Variants in ARHGEF18 observed in about 807,000 individuals in gnomAD.
ARHGEF18 encodes the protein Rho/Rac guanine nucleotide exchange factor 18, also known as rho guanine nucleotide exchange factor 18.
A neutral mutation model predicts 155.7 loss-of-function variants in ARHGEF18; 93 were observed. The ratio of observed to expected loss-of-function variants is 0.60; its 90% CI spans 0.50 to 0.71. The LOEUF is 0.71. Ranked by LOEUF, ARHGEF18 falls within the 30% of genes least tolerant of loss-of-function variation. The pLI, the probability that ARHGEF18 is intolerant of heterozygous loss-of-function variation, is 0.00. For missense variants in ARHGEF18, 1,593 were observed against 1,816.1 expected (o/e 0.88, Z 2.23); for synonymous variants, 742 against 753.1 (o/e 0.99, Z 0.24).
At chr19:7,451,363 T>A (rs1975453761) in intron 16 of ARHGEF18, 97 bp downstream of exon 16, 2 of 1,017,388 alleles carry the variant, frequency 2.0e-6, no homozygotes, top group Non-Finnish European at 2.9e-6. Context: ...ACTGAATAAA[T>A]TCCCTTTGAA....
chr19:7,356,278 T>A (rs984353834), intron 1 of ARHGEF18, among the ~76,000 whole-genome samples: 3 of 149,292 alleles, frequency 2.0e-5, no homozygotes, highest in Non-Finnish European at 4.4e-5. Context: ...TTTCTTTTTT[T>A]TTTTTTTTCT....
intron 10 of ARHGEF18, among the ~76,000 whole-genome samples, chr19:7,434,375 T>G (rs1321875988): frequency 2.0e-5 from 3 of 152,178 alleles, no homozygotes; most frequent in Non-Finnish European, 4.4e-5. Flanking sequence ...TGTTTGTTGC[T>G]GAGAATAGGG....
chr19:7,443,176 C>A (rs1395758488), intron 13 of ARHGEF18, among the ~76,000 whole-genome samples: 1 of 151,336 alleles, frequency 6.6e-6, no homozygotes, highest in African/African-American at 2.4e-5. Flanking sequence ...CCTGCCTCAG[C>A]CTTCCAAATA....
At chr19:7,406,830 G>A (rs187092108) in intron 10 of ARHGEF18, among the ~76,000 whole-genome samples, 3 of 151,858 alleles carry the variant, frequency 2.0e-5, no homozygotes, top group East Asian at 3.9e-4. Context: ...CGAGGTGGGC[G>A]GATCATGAGG....
intron 2 of ARHGEF18, among the ~76,000 whole-genome samples, chr19:7,365,477 G>GGTAAAGGAAGGTCCCA (rs1568268117): frequency 6.6e-6 from 1 of 152,030 alleles, no homozygotes; most frequent in African/African-American, 2.4e-5. Context: ...GGAAGGTCCC[G>GGTAAAGGAAGGTCCCA]GGTAAAGGAT....
At chr19:7,423,700 C>G (rs1315314382) in intron 10 of ARHGEF18, among the ~76,000 whole-genome samples, 1 of 146,604 alleles carries the variant, frequency 6.8e-6, no homozygotes, top group Non-Finnish European at 1.5e-5. Context: ...GCGAGAGACT[C>G]TATCTCAAAA....
rs1188147183 is a variant in ARHGEF18 at position 7,445,000 on chromosome 19, C to CGAT, written c.1611+548_1611+550dup. ...ACACACAGTTCTGGGCCCCTTACAG[C>CGAT]GATGCCTGCAGTTCATATTCTAGAA... On this transcript the variant is annotated intron_variant, in intron 14 of 28. Transcript: ENST00000668164. This position sits in a 1 kb window ranked among gnomAD's most constrained non-coding sequence, Gnocchi z 4.7. Among the ~76,000 whole-genome samples, 31 of 152,284 alleles carry CGAT rather than the reference C, an allele frequency of 2.0e-4. No homozygotes were observed. Among genetic ancestry groups the CGAT allele is most frequent in the African/African-American group, 7.5e-4 (31 of 41,552 alleles).
intron 10 of ARHGEF18, among the ~76,000 whole-genome samples, chr19:7,393,264 T>C (rs898162877): frequency 6.6e-6 from 1 of 152,054 alleles, no homozygotes; most frequent in African/African-American, 2.4e-5. Flanking sequence ...ACCATGAAGG[T>C]TGGACTTGAA....
chr19:7,464,804 G>A, intron 23 of ARHGEF18, 114 bp downstream of exon 23: 1 of 1,392,086 alleles, frequency 7.2e-7, no homozygotes, highest in Admixed American at 2.2e-5. Flanking sequence ...GACAAGCATT[G>A]TTTGTTTTGT....
Position 7,462,058 on chromosome 19 carries a change from G to GC in ARHGEF18, c.2453-93dup. On this transcript the variant is annotated intron_variant, in intron 20 of 28. Coordinates refer to ENST00000668164, the MANE Select transcript of ARHGEF18 (RefSeq NM_001367823.1). The surrounding 1 kb of genome is among the most constrained non-coding windows in gnomAD (Gnocchi z 4.4). ...GGCAGCCTACCTCAGGGCAGGGCCA[G>GC]CGGGGTTCCTCATCCTTAGGCCAGT... 6.7e-7 allele frequency: 1 copy of GC among 1,489,954 alleles called. No homozygotes were observed. Among genetic ancestry groups the GC allele is most frequent in the South Asian group, 1.2e-5 (1 of 85,372 alleles). 92.3% of individuals were successfully genotyped at this position (1,489,954 alleles called of 1,614,324 possible).
intron 10 of ARHGEF18, among the ~76,000 whole-genome samples, chr19:7,437,618 G>A (rs1974342271): frequency 6.9e-6 from 1 of 145,600 alleles, no homozygotes; most frequent in African/African-American, 2.6e-5. Flanking sequence ...GAGCCAGGAG[G>A]CCACAGGACA....
chr19:7,360,804 C>T (rs1969515411), intron 1 of ARHGEF18, among the ~76,000 whole-genome samples: 1 of 152,190 alleles, frequency 6.6e-6, no homozygotes, highest in East Asian at 1.9e-4. Flanking sequence ...TGTTTCGTTT[C>T]TGTGAGTCAT....
At chr19:7,373,199 AC>A in intron 3 of ARHGEF18, 128 bp downstream of exon 3, 1 of 1,135,426 alleles carries the variant, frequency 8.8e-7, no homozygotes, top group Non-Finnish European at 1.1e-6. Flanking sequence ...CCTTTTTGGT[AC>A]CAGGGACCAG....
intron 17 of ARHGEF18, among the ~76,000 whole-genome samples, chr19:7,454,643 G>A (rs1975712434): frequency 6.6e-6 from 1 of 152,190 alleles, no homozygotes; most frequent in Non-Finnish European, 1.5e-5. Context: ...GAGTCAGGAT[G>A]AGCAAGGCAG....
chr19:7,373,044 C>G lies in ARHGEF18; in HGVS notation c.248C>G (p.Ser83Trp), dbSNP rs570524150. 1.8e-5 allele frequency: 22 copies of G among 1,234,286 alleles called. 1 individual carries two copies. In the Middle Eastern group the frequency reaches 8.2e-4, roughly 46 times the overall value. 76.5% of individuals were successfully genotyped at this position (1,234,286 alleles called of 1,614,324 possible). A position where few individuals can be genotyped will look rare whatever the true frequency, so the allele number is the denominator to read the frequency against. The stretch of plus-strand genomic sequence containing the variant: ...TCAAGGCGGCGCAGCTGGGAAAGGT[C>G]GCGGAGCTGCTCAGAGAGCTGGCGG... ...DLSRRRSWER[S>W]RSCSESWRRL... The change falls in exon 3 of 29, where the codon TCG becomes TGG. Residue 83 changes from serine (S) to tryptophan (W), a missense_variant. Physicochemically the swap from Ser to Trp is radical, Grantham distance 177. Coordinates refer to ENST00000668164, the MANE Select transcript of ARHGEF18 (RefSeq NM_001367823.1).
chr19:7,367,733 T>C (rs113671857), intron 2 of ARHGEF18, among the ~76,000 whole-genome samples: 2,178 of 100,484 alleles, frequency 0.022, 411 homozygotes, highest in African/African-American at 0.12. Context: ...GCAACAAGAG[T>C]GAAACTCCAT....
At position 7,469,562 on chromosome 19, in the gene ARHGEF18, C is replaced by T. The variant is rs556823619; in HGVS notation, c.3788-342C>T. Among the ~76,000 whole-genome samples, 6 of 152,284 alleles carry T rather than the reference C, an allele frequency of 3.9e-5. No individual in the cohort carries two copies. The East Asian group carries it at 9.7e-4, about 24-fold the overall frequency. On this transcript the variant is annotated intron_variant, in intron 27 of 28. Coordinates refer to ENST00000668164, the MANE Select transcript of ARHGEF18 (RefSeq NM_001367823.1). ...TTTCCACGGAGGATGTCCAGGAGCTCCTCTGGGGGACACCTCCCTGGGGGA... is the reference window on the plus strand; with the variant it reads ...TTTCCACGGAGGATGTCCAGGAGCTTCTCTGGGGGACACCTCCCTGGGGGA...
At chr19:7,410,747 T>C (rs1972623753) in intron 10 of ARHGEF18, among the ~76,000 whole-genome samples, 1 of 140,874 alleles carries the variant, frequency 7.1e-6, no homozygotes, top group Non-Finnish European at 1.5e-5. Context: ...GAAGCAGAGG[T>C]TGCAGTGATC....
In ARHGEF18 at chr19:7,398,712, G is replaced by T. The variant is rs550175683; in HGVS notation, c.967+15509G>T. On this transcript the variant is annotated intron_variant, in intron 10 of 28. Transcript: ENST00000668164. The stretch of plus-strand genomic sequence containing the variant: ...TCTCAAAAAAAAAAAAAAAAATAAA[G>T]AAAGAAAGAAAAGAGATTCTTTGGT... 1.6e-3 allele frequency among the ~76,000 whole-genome samples: 233 copies of T among 150,320 alleles called. 1 individual carries two copies. The highest frequency in any genetic ancestry group is 4.2e-3 in the African/African-American group (170 of 40,956).
Sources: allele counts gnomAD v4.1 joint callset (sites outside exome capture counted in the v4.1 genomes callset), GRCh38; gene constraint gnomAD v4.1.1; non-coding constraint Gnocchi (gnomAD v3.1); transcripts MANE v1.5; gene names NCBI Gene and HGNC (gene_info 2026-07-23, HGNC 2026-07-21).